Variants in MCTP2 observed in about 807,000 individuals in gnomAD.
The protein encoded by MCTP2 is multiple C2 and transmembrane domain-containing protein 2.
A neutral mutation model predicts 111.6 loss-of-function variants in MCTP2; 132 were observed. The ratio of observed to expected loss-of-function variants is 1.18; its 90% CI spans 1.03 to 1.37. The LOEUF (loss-of-function observed/expected upper bound fraction) is 1.37. Among genes scored for constraint, MCTP2 ranks in the 40% most tolerant of loss-of-function variants. MCTP2 has a pLI of 0.00. For missense variants in MCTP2, 1,183 were observed against 1,067.9 expected (o/e 1.11, Z -1.50); for synonymous variants, 395 against 387.7 (o/e 1.02, Z -0.22).
chr15:94,350,691 T>C (rs746681838), intron 8 of MCTP2, among the ~76,000 whole-genome samples: 8 of 152,248 alleles, frequency 5.3e-5, no homozygotes, highest in Non-Finnish European at 1.2e-4. Context: ...TTATAAAGTA[T>C]TTTAAGTAAG....
In MCTP2 at chr15:94,384,166, A is replaced by G. The variant is rs773617679; in HGVS notation, c.1685+42A>G. ...CTGGAATTATTTCTGCTGTGCTTGG[A>G]AGGTAGTCTGGGGCTCTTGAGTGGA... is the stretch of plus-strand genomic sequence containing the variant. On this transcript the variant is annotated intron_variant, in intron 13 of 22. Coordinates refer to ENST00000357742, the MANE Select transcript of MCTP2 (RefSeq NM_001385001.1). 4 of 1,393,710 alleles carry G rather than the reference A, an allele frequency of 2.9e-6. No homozygotes were observed. The Admixed American group carries it at 6.9e-5, about 24-fold the overall frequency. The allele number at this position is 1,393,710 out of a possible 1,614,324, so 86.3% of individuals were successfully genotyped here. A position where few individuals can be genotyped will look rare whatever the true frequency, so the allele number is the denominator to read the frequency against.
At chr15:94,476,605 C>CAGATAGATAGAT (rs10574224) in intron 21 of MCTP2, 91 bp from the exon 22 acceptor site, 354 of 637,714 alleles carry the variant, frequency 5.6e-4, no homozygotes, top group Non-Finnish European at 4.4e-4. Context: ...GATTGACTGA[C>CAGATAGATAGAT]AGATAGATAG....
intron 10 of MCTP2, 109 bp downstream of exon 10, chr15:94,358,721 C>T: frequency 7.7e-7 from 1 of 1,305,408 alleles, no homozygotes; most frequent in Non-Finnish European, 1.0e-6. Flanking sequence ...CATCCCTCAC[C>T]CCAGAGTGCC....
intron 12 of MCTP2, among the ~76,000 whole-genome samples, chr15:94,376,347 A>G (rs957768873): frequency 6.6e-6 from 1 of 152,156 alleles, no homozygotes; most frequent in African/African-American, 2.4e-5. Context: ...GATAAAAATT[A>G]GTGCCCATGT....
At chr15:94,461,916 G>A (rs1350638268) in intron 20 of MCTP2, among the ~76,000 whole-genome samples, 2 of 152,186 alleles carry the variant, frequency 1.3e-5, no homozygotes, top group African/African-American at 4.8e-5. Flanking sequence ...AGAGTGACAT[G>A]TCAAAAGGGA....
chr15:94,332,253 A>G (rs769939763), intron 4 of MCTP2, among the ~76,000 whole-genome samples: 5 of 151,600 alleles, frequency 3.3e-5, no homozygotes, highest in African/African-American at 4.8e-5. Context: ...CCTGTTCAAA[A>G]CTTAGAAACA....
At chr15:94,461,023 GT>G (rs1555480367) in intron 20 of MCTP2, among the ~76,000 whole-genome samples, 1 of 146,740 alleles carries the variant, frequency 6.8e-6, no homozygotes, top group Non-Finnish European at 1.5e-5. Flanking sequence ...ATACTGATGG[GT>G]TGGGGGGGAC....
chr15:94,472,419 A>G (rs898237416), intron 21 of MCTP2, among the ~76,000 whole-genome samples: 5 of 152,028 alleles, frequency 3.3e-5, no homozygotes, highest in Admixed American at 6.6e-5. Flanking sequence ...CAAATACTCT[A>G]TTTTCTCATT....
chr15:94,378,433 G>A (rs78019060), intron 12 of MCTP2, among the ~76,000 whole-genome samples: 5,007 of 152,128 alleles, frequency 0.033, 262 homozygotes, highest in African/African-American at 0.11. Context: ...TGAGGCAGGA[G>A]GATTGCTTGA....
At chr15:94,372,604 C>T (rs1165377870) in intron 12 of MCTP2, among the ~76,000 whole-genome samples, 1 of 152,076 alleles carries the variant, frequency 6.6e-6, no homozygotes, top group African/African-American at 2.4e-5. Flanking sequence ...TAAAACAGAC[C>T]TCAACAGTGT....
At chr15:94,261,927 G>C (rs907245465) in intron 1 of MCTP2, among the ~76,000 whole-genome samples, 4 of 151,970 alleles carry the variant, frequency 2.6e-5, no homozygotes, top group African/African-American at 9.7e-5. Context: ...TACTTTATTG[G>C]TTAGGAAACT....
At chr15:94,305,484 G>GATAT (rs748109556) in intron 2 of MCTP2, among the ~76,000 whole-genome samples, 1 of 150,738 alleles carries the variant, frequency 6.6e-6, no homozygotes, top group South Asian at 2.1e-4. Context: ...CACACATGCG[G>GATAT]ATATATATAT....
chr15:94,464,257 T>TATATTA (rs4001978), intron 20 of MCTP2, among the ~76,000 whole-genome samples: 1 of 44,968 alleles, frequency 2.2e-5, no homozygotes, highest in African/African-American at 6.0e-5. Flanking sequence ...TATATATATA[T>TATATTA]TATATATATA....
rs551093344 is a variant in MCTP2, at chr15:94,399,789, C to T, written c.1891-132C>T. 171 of 738,710 alleles carry T rather than the reference C, an allele frequency of 2.3e-4. 1 individual carries two copies. In the South Asian group the frequency reaches 2.6e-3, roughly 11 times the overall value. 45.8% of individuals were successfully genotyped at this position (738,710 alleles called of 1,614,324 possible). A position where few individuals can be genotyped will look rare whatever the true frequency, so the allele number is the denominator to read the frequency against. On this transcript the variant is annotated intron_variant, in intron 15 of 22. Coordinates refer to ENST00000357742, the MANE Select transcript of MCTP2 (RefSeq NM_001385001.1). ...CATGTACAGGGCACAGGGGTGTCCA[C>T]CATTTCTTTGCTCCCTGCTAAGGTC... is the stretch of plus-strand genomic sequence containing the variant.
At chr15:94,453,677 TAA>T (rs1005661711) in intron 19 of MCTP2, among the ~76,000 whole-genome samples, 3 of 151,126 alleles carry the variant, frequency 2.0e-5, no homozygotes, top group Non-Finnish European at 4.5e-5. Flanking sequence ...AGTATATAAA[TAA>T]AAACACAAAG....
intron 19 of MCTP2, among the ~76,000 whole-genome samples, chr15:94,451,049 C>T (rs2084416549): frequency 6.6e-6 from 1 of 151,990 alleles, no homozygotes. Context: ...AAAGATTTGC[C>T]CTGATTTTTA....
chr15:94,357,221 A>G (rs140493877), intron 9 of MCTP2, among the ~76,000 whole-genome samples: 4 of 152,352 alleles, frequency 2.6e-5, no homozygotes, highest in Admixed American at 2.6e-4. Flanking sequence ...ACTCTAGCAC[A>G]AAGTAGAGAA....
intron 19 of MCTP2, among the ~76,000 whole-genome samples, chr15:94,446,686 A>C (rs766042830): frequency 1.3e-5 from 2 of 152,254 alleles, no homozygotes; most frequent in African/African-American, 2.4e-5. Flanking sequence ...AGAAGGAATC[A>C]TAAGGGCATG....
intron 1 of MCTP2, among the ~76,000 whole-genome samples, chr15:94,237,878 C>G (rs746032676): frequency 2.6e-5 from 4 of 152,130 alleles, no homozygotes; most frequent in Non-Finnish European, 5.9e-5. Context: ...CTGAACATTT[C>G]CTTTCTATTG....
Sources: gnomAD v4.1 joint callset for allele counts (sites outside exome capture counted in the v4.1 genomes callset) on GRCh38, gnomAD v4.1.1 for gene constraint, MANE v1.5 for transcripts, NCBI Gene and HGNC (gene_info 2026-07-23, HGNC 2026-07-21) for gene names.